The following FILIP1 variants were observed in gnomAD, a reference collection of about 807,000 sequenced individuals.
The protein encoded by FILIP1 is filamin-A-interacting protein 1.
A neutral mutation model predicts 102.1 loss-of-function variants in FILIP1; 61 were observed. The observed-to-expected ratio is 0.60, with a 90% confidence interval of 0.49 to 0.74. FILIP1 has a LOEUF of 0.74. Among genes scored for constraint, FILIP1 ranks in the 30% least tolerant of loss-of-function variants. FILIP1 has a pLI of 0.00. For synonymous variants in FILIP1, 491 were observed against 526.9 expected, an observed-to-expected ratio of 0.93 and a Z score of 0.93; for missense variants, 1,314 against 1,441.2, an observed-to-expected ratio of 0.91 and a Z score of 1.43.
intron 1 of FILIP1, among the ~76,000 whole-genome samples, chr6:75,448,899 T>C (rs1185446545): frequency 6.6e-6 from 1 of 152,208 alleles, no homozygotes. Context: ...ACAACTACTA[T>C]GGAAAACAAT....
At chr6:75,488,752 T>A (rs938254151) in intron 1 of FILIP1, among the ~76,000 whole-genome samples, 1 of 152,218 alleles carries the variant, frequency 6.6e-6, no homozygotes, top group Non-Finnish European at 1.5e-5. Flanking sequence ...CCACTAAAGC[T>A]GCTAAGAAAC....
At chr6:75,302,904 T>G (rs1772881690) in intron 6 of FILIP1, among the ~76,000 whole-genome samples, 1 of 152,100 alleles carries the variant, frequency 6.6e-6, no homozygotes, top group African/African-American at 2.4e-5. Flanking sequence ...ACTGCAAGAA[T>G]GAAAAATGAA....
intron 2 of FILIP1, chr6:75,384,960 A>ATTTTTT (rs1174536359): frequency 9.2e-6 from 1 of 108,712 alleles, no homozygotes; most frequent in Non-Finnish European, 1.9e-5. Flanking sequence ...ATGCCCAGCT[A>ATTTTTT]TTTTTTTTTT....
intron 2 of FILIP1, among the ~76,000 whole-genome samples, chr6:75,374,526 G>A (rs995509119): frequency 6.6e-6 from 1 of 152,026 alleles, no homozygotes; most frequent in African/African-American, 2.4e-5. Flanking sequence ...CTACAGGCGC[G>A]TGCCACCACG....
intron 4 of FILIP1, among the ~76,000 whole-genome samples, chr6:75,322,455 C>T (rs1773695507): frequency 6.6e-6 from 1 of 152,098 alleles, no homozygotes; most frequent in Admixed American, 6.5e-5. Context: ...AGGAAACAAA[C>T]CAGAAGACTA....
At chr6:75,401,799 C>G (rs1025197249) in intron 2 of FILIP1, among the ~76,000 whole-genome samples, 4 of 152,172 alleles carry the variant, frequency 2.6e-5, no homozygotes, top group African/African-American at 9.6e-5. Context: ...GCCCCAAGTC[C>G]TACCCCACTT....
intron 1 of FILIP1, among the ~76,000 whole-genome samples, chr6:75,453,325 T>A (rs1309702831): frequency 6.6e-6 from 1 of 152,232 alleles, no homozygotes; most frequent in Admixed American, 6.5e-5. Context: ...CACTGAAATA[T>A]ATTGTCCTAT....
At position 75,314,605 on chromosome 6, in the gene FILIP1, C is replaced by T; in HGVS notation, c.1227G>A (p.Lys409=). 1.2e-6 allele frequency: 2 copies of T among 1,613,884 alleles called. No individual in the cohort carries two copies. Among genetic ancestry groups the T allele is most frequent in the Non-Finnish European group, 1.7e-6 (2 of 1,179,970 alleles). ...KTESQCRELR[K]KLQEEEHHSK... ...TATGGTGTTCTTCCTCTTGCAGCTT[C>T]TTCCTCAATTCCCTACACTGGGATT... Residue 409 remains lysine, a synonymous_variant, in exon 5 of 6, where the codon AAG becomes AAA. Transcript: ENST00000237172.
intron 2 of FILIP1, among the ~76,000 whole-genome samples, chr6:75,371,934 G>A (rs1000176396): frequency 6.6e-6 from 1 of 152,026 alleles, no homozygotes; most frequent in African/African-American, 2.4e-5. Context: ...CAAAGCACAG[G>A]CAACAAAAGA....
chr6:75,362,825 C>G lies in FILIP1; in HGVS notation c.369G>C (p.Val123=). 1 of 1,613,976 alleles carries G rather than the reference C, an allele frequency of 6.2e-7. No homozygotes were observed. The highest frequency in any genetic ancestry group is 8.5e-7 in the Non-Finnish European group (1 of 1,180,022). Residue 123 remains valine, a synonymous_variant, in exon 3 of 6, where the codon GTG becomes GTC. Transcript: ENST00000237172. ...AHYGSAEPEK[V]LRVLHRDAIL... ...TGGCATCTCGGTGCAGGACCCGCAG[C>G]ACTTTCTCTGGCTCCGCAGACCCGT...
chr6:75,412,943 A>G (rs946570960), intron 2 of FILIP1, among the ~76,000 whole-genome samples: 6 of 152,142 alleles, frequency 3.9e-5, no homozygotes, highest in Admixed American at 2.0e-4. Flanking sequence ...TCTATTGTGT[A>G]ATGTAGGTAT....
At chr6:75,349,783 C>T (rs1774724588) in intron 4 of FILIP1, among the ~76,000 whole-genome samples, 1 of 152,170 alleles carries the variant, frequency 6.6e-6, no homozygotes, top group Non-Finnish European at 1.5e-5. Flanking sequence ...GATGCAGCGA[C>T]CCAGCCAAGG....
chr6:75,405,086 G>A lies in FILIP1; in HGVS notation c.276+9611C>T, dbSNP rs1035809122. On this transcript the variant is annotated intron_variant, in intron 2 of 5. Transcript: ENST00000237172. ...ACAACAACCCCAGAACATAGGAAAT[G>A]TCCCCATTAGAACACATGGGGAGTA... Among the ~76,000 whole-genome samples the A allele has an allele frequency of 2.0e-5, 3 of 152,280 alleles. No individual in the cohort carries two copies. In the South Asian group the frequency reaches 6.2e-4, roughly 32 times the overall value.
intron 2 of FILIP1, among the ~76,000 whole-genome samples, chr6:75,369,524 T>C (rs1775446768): frequency 6.6e-6 from 1 of 152,240 alleles, no homozygotes; most frequent in African/African-American, 2.4e-5. Flanking sequence ...CATTACTAAT[T>C]ATTATGTCTG....
At chr6:75,450,884 G>C (rs889176919) in intron 1 of FILIP1, among the ~76,000 whole-genome samples, 1 of 152,018 alleles carries the variant, frequency 6.6e-6, no homozygotes, top group Non-Finnish European at 1.5e-5. Context: ...GAACCTGCGA[G>C]GCAGAGGTTG....
At chr6:75,398,672 A>G (rs1036940363) in intron 2 of FILIP1, among the ~76,000 whole-genome samples, 2 of 152,322 alleles carry the variant, frequency 1.3e-5, no homozygotes, top group African/African-American at 4.8e-5. Flanking sequence ...GCTAAAAGTA[A>G]TAAGTGATGT....
intron 4 of FILIP1, among the ~76,000 whole-genome samples, chr6:75,348,064 C>T (rs73751823): frequency 3.3e-4 from 48 of 145,966 alleles, no homozygotes; most frequent in African/African-American, 1.2e-3. Context: ...ATCAGTTATA[C>T]ACACACACAC....
rs777247267 is a variant in FILIP1, at chr6:75,312,526, C to G, written c.3306G>C (p.Glu1102Asp). 1.1e-5 allele frequency: 18 copies of G among 1,614,168 alleles called. No individual in the cohort carries two copies. The Admixed American group carries it at 3.0e-4, about 27-fold the overall frequency. Residue 1102 changes from glutamate (E) to aspartate (D), a missense_variant, in exon 5 of 6, where the codon GAG becomes GAC. Coordinates refer to ENST00000237172, the MANE Select transcript of FILIP1 (RefSeq NM_015687.5). ...VRPVNVTAEK[E>D]VSTGTVLRSP... Reference sequence around the variant, plus strand: ...AGCGAAGGACAGTGCCGGTGGAAACCTCCTTTTCGGCTGTCACGTTTACTG... The same window carrying G: ...AGCGAAGGACAGTGCCGGTGGAAACGTCCTTTTCGGCTGTCACGTTTACTG...
intron 4 of FILIP1, among the ~76,000 whole-genome samples, chr6:75,342,820 G>GA (rs1259111230): frequency 6.6e-6 from 1 of 152,144 alleles, no homozygotes. Flanking sequence ...AAGGCACAGG[G>GA]AAAAATCTAG....
Sources: gnomAD v4.1 joint callset for allele counts (sites outside exome capture counted in the v4.1 genomes callset) on GRCh38, gnomAD v4.1.1 for gene constraint, MANE v1.5 for transcripts, NCBI Gene and HGNC (gene_info 2026-07-23, HGNC 2026-07-21) for gene names.